The following CDKL3 variants were observed in gnomAD, a reference collection of about 807,000 sequenced individuals.
CDKL3 encodes the protein cyclin-dependent kinase-like 3.
In CDKL3, 65 loss-of-function variants were observed where a neutral mutation model predicts 69.3. That is an observed-to-expected ratio of 0.94 (90% CI 0.77 to 1.15). The LOEUF is 1.15. Ranked by LOEUF, CDKL3 falls within the 50% of genes most tolerant of loss-of-function variation. CDKL3 has a pLI of 0.00. For missense variants in CDKL3, 652 were observed against 689.2 expected, an observed-to-expected ratio of 0.95 and a Z score of 0.61; for synonymous variants, 202 against 221.6, an observed-to-expected ratio of 0.91 and a Z score of 0.79.
At chr5:134,367,502 T>C (rs953291811), upstream of CDKL3, 4 of 630,130 alleles carry the variant, frequency 6.3e-6, no homozygotes, top group Non-Finnish European at 7.9e-6. Flanking sequence ...GCCTCCCGAG[T>C]AGCTGGGATT....
upstream of CDKL3, among the ~76,000 whole-genome samples, chr5:134,369,166 T>C (rs1311949208): frequency 6.6e-6 from 1 of 152,244 alleles, no homozygotes; most frequent in Non-Finnish European, 1.5e-5. Context: ...AAGTAGGTTA[T>C]GGCAGGCCTG....
Position 134,308,272 on chromosome 5 carries a change from A to T in CDKL3, c.1230T>A (p.Asn410Lys). Residue 410 changes from asparagine (N) to lysine (K), a missense_variant, in exon 9 of 13, where the codon AAT becomes AAA. Physicochemically the swap from Asn to Lys is moderately conservative, Grantham distance 94 (BLOSUM62 0). Transcript: ENST00000265334. ...LVTIEPPNPI[N>K]PSTNCNGLKE... Reference sequence around the variant, plus strand: ...TCAAGCCATTACAGTTAGTGCTGGGATTGATAGGGTTTGGTGGTTCAATGG... The same window carrying T: ...TCAAGCCATTACAGTTAGTGCTGGGTTTGATAGGGTTTGGTGGTTCAATGG... 6.2e-7 allele frequency: 1 copy of T among 1,613,928 alleles called. No individual in the cohort carries two copies. Among genetic ancestry groups the T allele is most frequent in the Non-Finnish European group, 8.5e-7 (1 of 1,179,860 alleles).
downstream of CDKL3, among the ~76,000 whole-genome samples, chr5:134,285,277 A>T (rs1764814395): frequency 6.6e-6 from 1 of 152,196 alleles, no homozygotes; most frequent in Non-Finnish European, 1.5e-5. Flanking sequence ...GATGTTCTCC[A>T]TGAGGGCCCC....
chr5:134,349,663 T>C (rs56029112), intron 4 of CDKL3, among the ~76,000 whole-genome samples: 108 of 152,174 alleles, frequency 7.1e-4, no homozygotes, highest in Non-Finnish European at 1.4e-3. Context: ...TTAAAGCAAA[T>C]ATAGATACAC....
chr5:134,321,344 G>T (rs1474582885), intron 5 of CDKL3, among the ~76,000 whole-genome samples: 1 of 152,020 alleles, frequency 6.6e-6, no homozygotes, highest in African/African-American at 2.4e-5. Context: ...AAGTTATTTA[G>T]CTATCTGGCT....
chr5:134,308,787 T>G, intron 7 of CDKL3, 60 bp from the exon 8 acceptor site: 1 of 1,367,802 alleles, frequency 7.3e-7, no homozygotes, highest in Non-Finnish European at 9.8e-7. Context: ...GAGTATTTTA[T>G]CTTGAATAAA....
chr5:134,326,835 A>ATATATATATATATGTGTGTG (rs1774426440), intron 4 of CDKL3, among the ~76,000 whole-genome samples: 1 of 77,416 alleles, frequency 1.3e-5, no homozygotes, highest in Admixed American at 1.4e-4. Context: ...ATATATATAT[A>ATATATATATATATGTGTGTG]TATATATATA....
rs746046959 is a variant in CDKL3 at position 134,308,369 on chromosome 5, T to TA, written c.1132dup (p.Tyr378LeufsTer2). ...ATCCTGTTGACCAAGTCCACCTTCA[T>TA]ACTCTTTCTTTTTTGGTTCTGAGAT... On this transcript the variant is annotated frameshift_variant, in exon 9 of 13. Coordinates refer to ENST00000265334, the MANE Select transcript of CDKL3 (RefSeq NM_001113575.2). LOFTEE classifies it high-confidence loss of function. 6.2e-7 allele frequency: 1 copy of TA among 1,613,902 alleles called. No homozygotes were observed. The highest frequency in any genetic ancestry group is 1.1e-5 in the South Asian group (1 of 91,088).
At chr5:134,296,796 C>CAA, downstream of CDKL3, among the ~76,000 whole-genome samples, 1 of 151,572 alleles carries the variant, frequency 6.6e-6, no homozygotes, top group Non-Finnish European at 1.5e-5. Flanking sequence ...CACACACACA[C>CAA]ACACACACAC....
chr5:134,302,325 G>T (rs1766553562), intron 12 of CDKL3: 1 of 464,766 alleles, frequency 2.2e-6, no homozygotes, highest in Non-Finnish European at 4.1e-6. Context: ...TTACCTGCCT[G>T]ATATCTGACA....
intron 10 of CDKL3, 39 bp from the exon 11 acceptor site, chr5:134,304,606 TA>T: frequency 6.6e-7 from 1 of 1,516,444 alleles, no homozygotes; most frequent in Non-Finnish European, 8.9e-7. Flanking sequence ...GAAATGTGTC[TA>T]ACTATTTGTA....
rs1770920048 is a variant in CDKL3, at chr5:134,315,846, TAGAGTG to T, written c.793-3472_793-3467del. On this transcript the variant is annotated intron_variant, in intron 6 of 12. Coordinates refer to ENST00000265334, the MANE Select transcript of CDKL3 (RefSeq NM_001113575.2). ...AAATAACAATAATAATATCCAATGC[TAGAGTG>T]AGAGTGAGGATATAAATAAGAAAAA... Among the ~76,000 whole-genome samples, 4 of 152,242 alleles carry T rather than the reference TAGAGTG, an allele frequency of 2.6e-5. No individual in the cohort carries two copies. In the South Asian group the frequency reaches 8.3e-4, roughly 32 times the overall value.
At chr5:134,292,741 A>C (rs904800695) in intron 8 of CDKL3, among the ~76,000 whole-genome samples, 3 of 152,072 alleles carry the variant, frequency 2.0e-5, no homozygotes, top group African/African-American at 7.2e-5. Flanking sequence ...AATTATCAAT[A>C]ACAGGAATGA....
chr5:134,371,551 C>T, upstream of CDKL3: 3 of 1,599,560 alleles, frequency 1.9e-6, no homozygotes, highest in East Asian at 2.3e-5. Flanking sequence ...GGGGGCTGCG[C>T]GGGACTTTTT....
intron 4 of CDKL3, among the ~76,000 whole-genome samples, chr5:134,340,927 C>T (rs1457206696): frequency 1.3e-5 from 2 of 151,982 alleles, no homozygotes; most frequent in Non-Finnish European, 2.9e-5. Context: ...AATGTGAACA[C>T]AAAATTCTCA....
At chr5:134,367,772 C>T (rs1168465482), upstream of CDKL3, among the ~76,000 whole-genome samples, 1 of 152,130 alleles carries the variant, frequency 6.6e-6, no homozygotes, top group African/African-American at 2.4e-5. Flanking sequence ...AAAAAACCTC[C>T]CTCACCACAT....
intron 4 of CDKL3, among the ~76,000 whole-genome samples, chr5:134,347,153 T>C (rs1217150928): frequency 2.0e-5 from 3 of 152,108 alleles, no homozygotes; most frequent in African/African-American, 7.2e-5. Flanking sequence ...TATACTATCT[T>C]TGTAACTTTT....
At chr5:134,296,570 G>A (rs1412687312), downstream of CDKL3, among the ~76,000 whole-genome samples, 2 of 152,160 alleles carry the variant, frequency 1.3e-5, no homozygotes, top group Non-Finnish European at 1.5e-5. Context: ...ACATCAAAAG[G>A]TGAACTATAA....
Position 134,298,667 on chromosome 5 carries a change from C to T in CDKL3, c.1763G>A (p.Arg588Lys). Residue 588 changes from arginine (R) to lysine (K), a missense_variant, in exon 13 of 13, where the codon AGG becomes AAG. Arg to Lys is a conservative substitution (Grantham distance 26). Transcript: ENST00000265334. ...GAAAAGACACTACCAGAAAAAAAAC[C>T]TGTTTCTCTTCAAATTCTTCCCCTC... ...HCEGKNLKRN[R>K]FFFW 1 of 1,612,790 alleles carries T rather than the reference C, an allele frequency of 6.2e-7. No homozygotes were observed. The highest frequency in any genetic ancestry group is 8.5e-7 in the Non-Finnish European group (1 of 1,179,444).
Sources: allele counts gnomAD v4.1 joint callset (sites outside exome capture counted in the v4.1 genomes callset), GRCh38; gene constraint gnomAD v4.1.1; transcripts MANE v1.5; gene names NCBI Gene and HGNC (gene_info 2026-07-23, HGNC 2026-07-21).